CELF2: variants seen among roughly 807,000 people sequenced by gnomAD.
CELF2 encodes the protein CUG triplet repeat RNA-binding protein 2.
In CELF2, 8 loss-of-function variants were observed where a neutral mutation model predicts 62.6. The observed-to-expected ratio is 0.13, with a 90% CI of 0.07 to 0.23. CELF2 has a LOEUF of 0.23. Ranked by LOEUF, CELF2 falls within the 10% of genes least tolerant of loss-of-function variation. CELF2 has a pLI of 1.00. For missense variants in CELF2, 333 were observed against 671.0 expected, an observed-to-expected ratio of 0.50 and a Z score of 5.56; for synonymous variants, 258 against 250.0, an observed-to-expected ratio of 1.03 and a Z score of -0.30.
Position 10,948,637 on chromosome 10 carries a change from G to A in CELF2, c.89+28638G>A, listed in dbSNP as rs543760621. ...GCCAAGGCTACATGAAGCCCCCCTA[G>A]GCTGGGAGGGCTGCCTCTTTGCATG... On this transcript the variant is annotated intron_variant, in intron 2 of 13. Transcript: ENST00000636488. Among the ~76,000 whole-genome samples, 5 of 152,266 alleles carry A rather than the reference G, an allele frequency of 3.3e-5. No individual in the cohort carries two copies. The East Asian group carries it at 9.6e-4, about 29-fold the overall frequency.
At chr10:11,294,769 G>A (rs779321511) in intron 9 of CELF2, among the ~76,000 whole-genome samples, 1 of 152,220 alleles carries the variant, frequency 6.6e-6, no homozygotes, top group African/African-American at 2.4e-5. Context: ...AAATTAGCCA[G>A]GCGCAGTGGC....
At chr10:11,017,838 G>T, upstream of CELF2, 2 of 553,526 alleles carry the variant, frequency 3.6e-6, no homozygotes, top group Non-Finnish European at 4.6e-6. This position sits in a 1 kb window ranked among gnomAD's most constrained non-coding sequence, Gnocchi z 5.5. Context: ...CGGGCCCGCA[G>T]GGGTTAAGCG....
At chr10:10,488,942 C>A in the CELF2 span, among the ~76,000 whole-genome samples, 1 of 152,090 alleles carries the variant, frequency 6.6e-6, no homozygotes, top group East Asian at 1.9e-4. Flanking sequence ...ACACCCTCCT[C>A]TACTGAAAGT....
At chr10:11,301,347 C>T (rs904064421) in intron 9 of CELF2, among the ~76,000 whole-genome samples, 1 of 150,120 alleles carries the variant, frequency 6.7e-6, no homozygotes, top group African/African-American at 2.5e-5. Flanking sequence ...CCTATGCGGG[C>T]CCTGCTCCCG....
intron 2 of CELF2, among the ~76,000 whole-genome samples, chr10:11,204,868 ATTG>A (rs2060079187): frequency 6.6e-6 from 1 of 151,978 alleles, no homozygotes; most frequent in African/African-American, 2.4e-5. Flanking sequence ...TTCTTCCTCT[ATTG>A]TTGCTGAGAT....
chr10:10,597,887 T>C, the CELF2 span, among the ~76,000 whole-genome samples: 1 of 152,178 alleles, frequency 6.6e-6, no homozygotes, highest in Non-Finnish European at 1.5e-5. Context: ...CAAAACAAAA[T>C]AGTATCTAGG....
chr10:10,971,689 C>A (rs1311390718), intron 2 of CELF2, among the ~76,000 whole-genome samples: 1 of 152,154 alleles, frequency 6.6e-6, no homozygotes, highest in African/African-American at 2.4e-5. Flanking sequence ...CAGGTTCAAG[C>A]AATTCTTGTG....
At position 11,228,642 on chromosome 10, in the gene CELF2, A is replaced by G. The variant is rs192660844; in HGVS notation, c.354+11135A>G. 1.8e-3 allele frequency among the ~76,000 whole-genome samples: 278 copies of G among 151,060 alleles called. 1 individual carries two copies. The highest frequency in any genetic ancestry group is 6.5e-3 in the African/African-American group (266 of 40,732). On this transcript the variant is annotated intron_variant, in intron 3 of 12. Transcript: ENST00000633077. ...TAAGTAGGTGTGGAAGCATTAGCCT[A>G]GATTTTGACTAGTTCTTTGGTGTCT...
chr10:10,981,447 C>T (rs914070356), intron 2 of CELF2, among the ~76,000 whole-genome samples: 24 of 152,282 alleles, frequency 1.6e-4, no homozygotes, highest in Middle Eastern at 3.4e-3. Flanking sequence ...GAATCCGCAG[C>T]GACGGTAATT....
chr10:11,320,632 C>T (rs1190097364), intron 10 of CELF2, among the ~76,000 whole-genome samples: 1 of 152,194 alleles, frequency 6.6e-6, no homozygotes, highest in African/African-American at 2.4e-5. Flanking sequence ...CACACTGTAA[C>T]TCCTCAAACT....
chr10:10,906,393 G>A (rs185922510), intron 1 of CELF2, among the ~76,000 whole-genome samples: 226 of 152,326 alleles, frequency 1.5e-3, no homozygotes, highest in African/African-American at 5.0e-3. Flanking sequence ...ACTGTCCTAA[G>A]TGTTGGTGAT....
In CELF2 at chr10:10,928,333, C is replaced by G. The variant is rs117731244; in HGVS notation, c.89+8334C>G. Among the ~76,000 whole-genome samples the G allele has an allele frequency of 6.6e-4, 101 of 152,250 alleles. No individual in the cohort carries two copies. In the East Asian group the frequency reaches 0.016, roughly 24 times the overall value. ...AGAGATAAGAAAACTGAGATCTGGT[C>G]TCCTACTCTTTGTATGTGTTCTTCC... On this transcript the variant is annotated intron_variant, in intron 2 of 13. Transcript: ENST00000636488. This position sits in a 1 kb window ranked among gnomAD's most constrained non-coding sequence, Gnocchi z 4.8.
At chr10:11,293,553 C>T (rs2092790467) in intron 9 of CELF2, among the ~76,000 whole-genome samples, 1 of 152,164 alleles carries the variant, frequency 6.6e-6, no homozygotes, top group Admixed American at 6.6e-5. Flanking sequence ...GCAGAGAGGG[C>T]TGGAGTGTCA....
At chr10:10,492,940 A>G in the CELF2 span, among the ~76,000 whole-genome samples, 1 of 152,136 alleles carries the variant, frequency 6.6e-6, no homozygotes, top group African/African-American at 2.4e-5. Flanking sequence ...CTTGCCTGCC[A>G]CCGTGTAGTA....
chr10:11,323,183 T>C (rs1648880535), intron 11 of CELF2, among the ~76,000 whole-genome samples: 1 of 152,160 alleles, frequency 6.6e-6, no homozygotes, highest in African/African-American at 2.4e-5. Flanking sequence ...CCTTCTGAGA[T>C]TAAGATAAAA....
At position 11,308,257 on chromosome 10, in the gene CELF2, A is replaced by G. The variant is rs182443056; in HGVS notation, c.977-5882A>G. ...GTATAGATTTCTTTCCATTTATCCT[A>G]CTTGGAGTTTGTTTATTTTCTTGCA... is the stretch of plus-strand genomic sequence containing the variant. On this transcript the variant is annotated intron_variant, in intron 9 of 12. Coordinates refer to ENST00000633077, the MANE Select transcript of CELF2 (RefSeq NM_001326342.2). Among the ~76,000 whole-genome samples the G allele has an allele frequency of 1.3e-4, 20 of 152,176 alleles. No homozygotes were observed. In the East Asian group the frequency reaches 3.5e-3, roughly 26 times the overall value.
At position 11,316,070 on chromosome 10, in the gene CELF2, G is replaced by A. The variant is rs2094953391; in HGVS notation, c.1096+1812G>A. Among the ~76,000 whole-genome samples the A allele has an allele frequency of 6.6e-6, 1 of 152,302 alleles. No individual in the cohort carries two copies. The highest frequency in any genetic ancestry group is 6.5e-5 in the Admixed American group (1 of 15,306). ...TCTGCATTGCTGAGATTTTCCCATC[G>A]TTCTCGTCAGGGACTGGAGAGGGGC... is the stretch of plus-strand genomic sequence containing the variant. On this transcript the variant is annotated intron_variant, in intron 10 of 12. Transcript: ENST00000633077. This position sits in a 1 kb window ranked among gnomAD's most constrained non-coding sequence, Gnocchi z 4.4.
intron 1 of CELF2, among the ~76,000 whole-genome samples, chr10:11,077,835 A>G (rs1054117709): frequency 6.6e-6 from 1 of 152,198 alleles, no homozygotes; most frequent in African/African-American, 2.4e-5. Flanking sequence ...CAGCTTGAGA[A>G]GTTATGTGAG....
At chr10:11,141,643 C>T (rs972768880) in intron 1 of CELF2, among the ~76,000 whole-genome samples, 1 of 152,190 alleles carries the variant, frequency 6.6e-6, no homozygotes, top group African/African-American at 2.4e-5. Flanking sequence ...GTTCCTCAGG[C>T]CCTTCACTGT....
Sources: gnomAD v4.1 joint callset for allele counts (sites outside exome capture counted in the v4.1 genomes callset) on GRCh38, gnomAD v4.1.1 for gene constraint, Gnocchi (gnomAD v3.1) non-coding constraint, MANE v1.5 for transcripts, NCBI Gene and HGNC (gene_info 2026-07-23, HGNC 2026-07-21) for gene names.